Variants in POC1B observed in about 807,000 individuals in gnomAD.
The protein encoded by POC1B is POC1 centriolar protein homolog B.
In POC1B, 44 loss-of-function variants were observed where a neutral mutation model predicts 60.6. The observed-to-expected ratio is 0.73, with a 90% CI of 0.57 to 0.93. The LOEUF (loss-of-function observed/expected upper bound fraction) is 0.93. POC1B is among the 40% of genes least tolerant of loss of function. POC1B has a pLI of 0.00. For synonymous variants in POC1B, 180 were observed against 198.9 expected (o/e 0.90, Z 0.80); for missense variants, 555 against 572.3 (o/e 0.97, Z 0.31).
At chr12:89,452,078 G>A (rs766698199) in intron 10 of POC1B, among the ~76,000 whole-genome samples, 1 of 152,126 alleles carries the variant, frequency 6.6e-6, no homozygotes, top group African/African-American at 2.4e-5. Context: ...TCTCATCTCA[G>A]AGGATGTTTC....
chr12:89,506,138 T>C (rs973364305), intron 2 of POC1B, among the ~76,000 whole-genome samples: 1 of 152,328 alleles, frequency 6.6e-6, no homozygotes, highest in African/African-American at 2.4e-5. Context: ...ATACCCCGCC[T>C]GGAGCCCAGG....
chr12:89,462,935 C>G (rs1882532665), intron 9 of POC1B, among the ~76,000 whole-genome samples: 1 of 151,850 alleles, frequency 6.6e-6, no homozygotes, highest in Non-Finnish European at 1.5e-5. Flanking sequence ...AACATATACC[C>G]CAGTTAGAAG....
chr12:89,488,753 C>G (rs562537716), intron 4 of POC1B, among the ~76,000 whole-genome samples: 1 of 152,292 alleles, frequency 6.6e-6, no homozygotes, highest in South Asian at 2.1e-4. Context: ...TCCCAAAGTG[C>G]TGGGATTACG....
At chr12:89,429,329 T>C (rs1050226097) in intron 10 of POC1B, 1 of 152,176 alleles carries the variant, frequency 6.6e-6, no homozygotes, top group Non-Finnish European at 1.5e-5. Flanking sequence ...TATTAGCAGA[T>C]AGCTTTCTAC....
chr12:89,514,129 A>T (rs1870320889), intron 2 of POC1B, among the ~76,000 whole-genome samples: 1 of 152,090 alleles, frequency 6.6e-6, no homozygotes, highest in South Asian at 2.1e-4. Context: ...AGGGGCCTGG[A>T]GGGACATGAT....
the POC1B span, among the ~76,000 whole-genome samples, chr12:89,412,625 C>T: frequency 6.3e-4 from 95 of 150,904 alleles, no homozygotes; most frequent in Admixed American, 7.3e-4. Context: ...TGCAGTGAGC[C>T]GAGATCGCAC....
chr12:89,454,581 G>A (rs1465419829), intron 10 of POC1B, among the ~76,000 whole-genome samples: 1 of 152,026 alleles, frequency 6.6e-6, no homozygotes, highest in African/African-American at 2.4e-5. Context: ...CTCTCCTGGA[G>A]AGCCCTTCCC....
chr12:89,466,739 A>C (rs1422035102), intron 9 of POC1B, 31 bp downstream of exon 9: 1 of 1,569,242 alleles, frequency 6.4e-7, no homozygotes, highest in East Asian at 2.3e-5. Flanking sequence ...ATGTACACAA[A>C]ATGTAGGACA....
At chr12:89,466,597 A>G (rs1882692981) in intron 9 of POC1B, 173 bp downstream of exon 9, 1 of 528,412 alleles carries the variant, frequency 1.9e-6, no homozygotes, top group Non-Finnish European at 3.1e-6. Flanking sequence ...GGCCTTCAAG[A>G]AACAAATATA....
chr12:89,480,325 TG>T (rs1883274185), intron 4 of POC1B, among the ~76,000 whole-genome samples: 1 of 151,888 alleles, frequency 6.6e-6, no homozygotes, highest in Non-Finnish European at 1.5e-5. Flanking sequence ...TTTGTAGAGA[TG>T]GGGTTTTGCC....
chr12:89,495,597 A>G (rs574156955), intron 3 of POC1B, among the ~76,000 whole-genome samples: 1 of 152,290 alleles, frequency 6.6e-6, no homozygotes, highest in East Asian at 1.9e-4. Context: ...GGAAATACTC[A>G]AATTCTTATC....
chr12:89,483,024 C>G (rs992765068), intron 4 of POC1B, among the ~76,000 whole-genome samples: 5 of 152,020 alleles, frequency 3.3e-5, no homozygotes, highest in Admixed American at 2.0e-4. Context: ...AGCAATTCTC[C>G]TGCCTCAGCC....
intron 1 of POC1B, 29 bp downstream of exon 1, chr12:89,525,852 G>C (rs1871434885): frequency 1.4e-6 from 2 of 1,411,430 alleles, no homozygotes; most frequent in African/African-American, 3.0e-5. Context: ...TCCAGGGAGG[G>C]ACCCCCCCCA....
At chr12:89,516,449 G>A (rs1392387088) in intron 2 of POC1B, among the ~76,000 whole-genome samples, 1 of 152,088 alleles carries the variant, frequency 6.6e-6, no homozygotes, top group Non-Finnish European at 1.5e-5. Flanking sequence ...ATCCTAGTTT[G>A]AACCAACATC....
chr12:89,508,818 GTC>G (rs1870032676), intron 2 of POC1B, among the ~76,000 whole-genome samples: 1 of 152,172 alleles, frequency 6.6e-6, no homozygotes, highest in Non-Finnish European at 1.5e-5. Flanking sequence ...CTCTGCACTT[GTC>G]TCTCCTGCTG....
chr12:89,435,654 C>T (rs749460083), intron 10 of POC1B, among the ~76,000 whole-genome samples: 11 of 151,944 alleles, frequency 7.2e-5, no homozygotes, highest in Non-Finnish European at 1.0e-4. Flanking sequence ...GTGGAAGAAA[C>T]TCAGAAAGCA....
chr12:89,486,784 G>C (rs1868652873), intron 4 of POC1B, among the ~76,000 whole-genome samples: 1 of 152,154 alleles, frequency 6.6e-6, no homozygotes, highest in Non-Finnish European at 1.5e-5. Flanking sequence ...CGGGTAAGAA[G>C]ATTTCACTTT....
intron 7 of POC1B, among the ~76,000 whole-genome samples, chr12:89,469,396 A>C (rs58177747): frequency 0.016 from 2,440 of 152,358 alleles, 48 homozygotes; most frequent in Middle Eastern, 0.051. Flanking sequence ...AATACAGCAC[A>C]TAAGAATCGA....
intron 10 of POC1B, among the ~76,000 whole-genome samples, chr12:89,459,071 CTA>C (rs1882369721): frequency 6.6e-6 from 1 of 152,042 alleles, no homozygotes; most frequent in Non-Finnish European, 1.5e-5. Flanking sequence ...AATGAGAAGA[CTA>C]GAAGTAAGTT....
Sources: gnomAD v4.1 joint callset for allele counts (sites outside exome capture counted in the v4.1 genomes callset) on GRCh38, gnomAD v4.1.1 for gene constraint, MANE v1.5 for transcripts, NCBI Gene and HGNC (gene_info 2026-07-23, HGNC 2026-07-21) for gene names.